ZNF469: variants seen among roughly 807,000 people sequenced by gnomAD.
The protein encoded by ZNF469 is zinc finger protein 469.
Under a neutral mutation model 1.0 loss-of-function variants are expected in ZNF469, and 1 was observed. That is an observed-to-expected ratio of 1.00 (90% confidence interval 0.35 to 4.73). The LOEUF (loss-of-function observed/expected upper bound fraction) is 4.73. Ranked by LOEUF, ZNF469 falls within the 30% of genes most tolerant of loss-of-function variation. The probability of loss-of-function intolerance (pLI) is 0.16; values close to 1 mark genes in which losing one functional copy is unlikely to be tolerated. For synonymous variants in ZNF469, 2,703 were observed against 2,363.4 expected (o/e 1.14, Z -4.17); for missense variants, 6,100 against 5,356.3 (o/e 1.14, Z -4.33).
intron 1 of ZNF469, among the ~76,000 whole-genome samples, chr16:88,422,972 AATGG>A (rs1165010849): frequency 9.5e-5 from 13 of 137,198 alleles, no homozygotes; most frequent in Admixed American, 3.6e-4. Flanking sequence ...TGGATGGATT[AATGG>A]ATGGATGGAT....
upstream of ZNF469, among the ~76,000 whole-genome samples, chr16:88,380,341 G>A (rs12920414): frequency 0.1 from 5,593 of 55,624 alleles, 305 homozygotes; most frequent in East Asian, 0.36. Flanking sequence ...TCACACATGC[G>A]CTCACACACA....
intron 1 of ZNF469, among the ~76,000 whole-genome samples, chr16:88,401,821 T>A (rs28646259): frequency 0.7 from 101,512 of 144,896 alleles, 36,308 homozygotes; most frequent in African/African-American, 0.87. Flanking sequence ...AGATGGATGC[T>A]TGGGTGGATG....
the ZNF469 span, among the ~76,000 whole-genome samples, chr16:88,174,514 C>CTATCT: frequency 5.7e-5 from 6 of 106,168 alleles, no homozygotes; most frequent in East Asian, 4.1e-4. Flanking sequence ...ATCTATCTAT[C>CTATCT]ATCTATCTGT....
the ZNF469 span, among the ~76,000 whole-genome samples, chr16:88,351,180 G>A: frequency 2.0e-5 from 3 of 152,200 alleles, no homozygotes; most frequent in Admixed American, 6.5e-5. Flanking sequence ...CCCTGACCTC[G>A]GCACACACCC....
At chr16:88,381,336 GCACA>G (rs1233912931), upstream of ZNF469, among the ~76,000 whole-genome samples, 5 of 129,952 alleles carry the variant, frequency 3.8e-5, no homozygotes, top group East Asian at 2.6e-4. Context: ...ACATGCACTC[GCACA>G]CAGACACACA....
the ZNF469 span, among the ~76,000 whole-genome samples, chr16:88,128,619 G>A: frequency 1.5e-3 from 230 of 152,298 alleles, 1 homozygote; most frequent in African/African-American, 5.2e-3. Context: ...ACCCCCTCCC[G>A]CAGAGGCAGG....
At chr16:88,271,268 A>C in the ZNF469 span, among the ~76,000 whole-genome samples, 42 of 144,182 alleles carry the variant, frequency 2.9e-4, 1 homozygote, top group African/African-American at 9.2e-4. Context: ...ATTGTGCAGA[A>C]TTTGGACAAA....
chr16:88,414,350 TGGTGTGG>T (rs1271105079), intron 1 of ZNF469, among the ~76,000 whole-genome samples: 6 of 152,122 alleles, frequency 3.9e-5, no homozygotes, highest in South Asian at 2.1e-4. Context: ...GAACAAACTT[TGGTGTGG>T]GGTGGAGGCA....
the ZNF469 span, among the ~76,000 whole-genome samples, chr16:88,278,027 C>T: frequency 2.2e-4 from 9 of 41,176 alleles, no homozygotes; most frequent in Non-Finnish European, 2.1e-4. Context: ...TGCTGTGCCA[C>T]GCCGACGCTC....
chr16:88,385,865 G>A (rs1360438418), intron 1 of ZNF469, among the ~76,000 whole-genome samples: 2 of 152,172 alleles, frequency 1.3e-5, no homozygotes, highest in African/African-American at 4.8e-5. Flanking sequence ...CTGGTGTGTG[G>A]AGCACCCTGG....
At chr16:88,138,782 G>A in the ZNF469 span, among the ~76,000 whole-genome samples, 1 of 152,222 alleles carries the variant, frequency 6.6e-6, no homozygotes, top group African/African-American at 2.4e-5. Flanking sequence ...CACATTTAAA[G>A]CATTTCCACT....
chr16:88,358,506 C>T, the ZNF469 span, among the ~76,000 whole-genome samples: 1 of 152,080 alleles, frequency 6.6e-6, no homozygotes, highest in Non-Finnish European at 1.5e-5. Context: ...ATCCAGGAAT[C>T]CTCCCTAGAG....
intron 1 of ZNF469, among the ~76,000 whole-genome samples, chr16:88,389,471 G>T (rs1170543158): frequency 6.6e-6 from 1 of 152,222 alleles, no homozygotes; most frequent in African/African-American, 2.4e-5. Context: ...GTGAGCTTTT[G>T]TGTACCGCTT....
At chr16:88,186,101 A>G in the ZNF469 span, among the ~76,000 whole-genome samples, 3 of 152,318 alleles carry the variant, frequency 2.0e-5, no homozygotes, top group South Asian at 6.2e-4. Context: ...CTGGGCCGAC[A>G]CCGGAGGCTG....
chr16:88,377,824 G>A, the ZNF469 span, among the ~76,000 whole-genome samples: 1 of 152,186 alleles, frequency 6.6e-6, no homozygotes, highest in East Asian at 1.9e-4. Context: ...GTGCTCTGTA[G>A]ATGAAGATGT....
the ZNF469 span, among the ~76,000 whole-genome samples, chr16:88,158,564 G>A: frequency 0.014 from 1,921 of 141,486 alleles, 52 homozygotes; most frequent in African/African-American, 0.048. Context: ...CTGCTGTCCC[G>A]GCAGCCTCTT....
At chr16:88,247,952 C>T in the ZNF469 span, among the ~76,000 whole-genome samples, 1 of 152,226 alleles carries the variant, frequency 6.6e-6, no homozygotes. Flanking sequence ...AACGTATAAG[C>T]ATTGTTCAGT....
At position 88,430,266 on chromosome 16, in the gene ZNF469, C is replaced by G; in HGVS notation, c.2796C>G (p.Ala932=). ...CCAAAACGCGTTCCCTGGGTCTGGC[C>G]CCCACCGAGGCGGATGCGCCCAGCC... is the stretch of plus-strand genomic sequence containing the variant. ...GRPKTRSLGL[A]PTEADAPSQG... is the part of the protein sequence containing the mutation. The change falls in exon 3 of 3, where the codon GCC becomes GCG. Residue 932 remains alanine, a synonymous_variant. Coordinates refer to ENST00000565624, the MANE Select transcript of ZNF469 (RefSeq NM_001367624.2). The G allele has an allele frequency of 6.6e-7, 1 of 1,518,412 alleles. No homozygotes were observed. Among genetic ancestry groups the G allele is most frequent in the Non-Finnish European group, 8.8e-7 (1 of 1,134,112 alleles). The allele number at this position is 1,518,412 out of a possible 1,614,324, so 94.1% of individuals were successfully genotyped here.
At chr16:88,171,009 G>A in the ZNF469 span, among the ~76,000 whole-genome samples, 2 of 152,086 alleles carry the variant, frequency 1.3e-5, no homozygotes, top group African/African-American at 4.8e-5. Context: ...CTCACCCTAG[G>A]ACAACCTCTA....
Sources: allele counts gnomAD v4.1 joint callset (sites outside exome capture counted in the v4.1 genomes callset), GRCh38; gene constraint gnomAD v4.1.1; transcripts MANE v1.5; gene names NCBI Gene and HGNC (gene_info 2026-07-23, HGNC 2026-07-21).